Variants in DCAF5 observed in about 807,000 individuals in gnomAD.
DCAF5 encodes the protein DDB1- and CUL4-associated factor 5.
DCAF5 carries 9 observed loss-of-function variants against 80.7 expected under a neutral mutation model. That is an observed-to-expected ratio of 0.11 (90% CI 0.07 to 0.19). The LOEUF (loss-of-function observed/expected upper bound fraction) is 0.19, where lower values mean the gene tolerates loss of function less well. Among genes scored for constraint, DCAF5 ranks in the 10% least tolerant of loss-of-function variants. The pLI, the probability that DCAF5 is intolerant of heterozygous loss-of-function variation, is 1.00. For missense variants in DCAF5, 842 were observed against 1,205.7 expected (o/e 0.70, Z 4.47); for synonymous variants, 433 against 461.9 (o/e 0.94, Z 0.80).
In DCAF5 at chr14:69,054,214, G is replaced by C. The variant is rs776368849; in HGVS notation, c.2472C>G (p.Ser824Arg). 3.0e-5 allele frequency: 49 copies of C among 1,614,120 alleles called. 1 individual carries two copies. The South Asian group carries it at 5.2e-4, about 17-fold the overall frequency. The change falls in exon 9 of 9, where the codon AGC (serine) becomes AGG (arginine). Residue 824 changes from serine to arginine, a missense_variant. By Grantham distance (110) the Ser-to-Arg change is moderately radical. This residue lies in a region of DCAF5 where 607 missense variants were observed against 656.6 expected (regional missense o/e 0.92). Transcript: ENST00000341516. ...TGTGGTTGGCACAGATGGTTTCGAG[G>C]CTCCTCTCCTCACTGTCATCAGACT... is the stretch of plus-strand genomic sequence containing the variant. ...RTQSDDSEER[S>R]LETICANHNN...
At position 69,053,634 on chromosome 14, in the gene DCAF5, A is replaced by C; in HGVS notation, c.*223T>G. 1 of 478,732 alleles carries C rather than the reference A, an allele frequency of 2.1e-6. No individual in the cohort carries two copies. The highest frequency in any genetic ancestry group is 3.5e-6 in the Non-Finnish European group (1 of 285,150). 29.7% of individuals were successfully genotyped at this position (478,732 alleles called of 1,614,324 possible). A position where few individuals can be genotyped will look rare whatever the true frequency, so the allele number is the denominator to read the frequency against. On this transcript the variant is annotated 3_prime_UTR_variant, in exon 9 of 9. Transcript: ENST00000341516. ...TCACTAGAAAGGAGTCACTTGGGTT[A>C]TTTTTTTTTCCCCTTTCTTAACACA...
intron 1 of DCAF5, among the ~76,000 whole-genome samples, chr14:69,141,424 T>C (rs1247418178): frequency 6.6e-6 from 1 of 152,154 alleles, no homozygotes; most frequent in Admixed American, 6.5e-5. Context: ...TACATATGTA[T>C]ACATGTGCCA....
intron 1 of DCAF5, among the ~76,000 whole-genome samples, chr14:69,134,776 G>A (rs547991690): frequency 6.6e-6 from 1 of 152,256 alleles, no homozygotes; most frequent in African/African-American, 2.4e-5. Context: ...AATTGGTTAA[G>A]ACAAAATAAT....
In DCAF5 at chr14:69,055,245, A is replaced by T; in HGVS notation, c.1441T>A (p.Phe481Ile). 6.2e-7 allele frequency: 1 copy of T among 1,614,178 alleles called. No individual in the cohort carries two copies. The highest frequency in any genetic ancestry group is 8.5e-7 in the Non-Finnish European group (1 of 1,180,026). The change falls in exon 9 of 9, where the codon TTC becomes ATC. Residue 481 changes from phenylalanine (F) to isoleucine (I), a missense_variant. By Grantham distance (21) the Phe-to-Ile change is conservative. Coordinates refer to ENST00000341516, the MANE Select transcript of DCAF5 (RefSeq NM_003861.3). The surrounding 1 kb of genome is among the most constrained non-coding windows in gnomAD (Gnocchi z 5.6). ...GTGACCCGCAGGGGCCCCAGGTGGA[A>T]GGCGTTGTCGGCAGACTCATCTACT... ...PTVDESADNA[F>I]HLGPLRVTTT...
rs2139826481 is a variant in DCAF5, at chr14:69,055,716, G to A, written c.1075-105C>T. 8.6e-7 allele frequency: 1 copy of A among 1,167,086 alleles called. No homozygotes were observed. The highest frequency in any genetic ancestry group is 2.4e-5 in the East Asian group (1 of 41,908). 72.3% of individuals were successfully genotyped at this position (1,167,086 alleles called of 1,614,324 possible). A position where few individuals can be genotyped will look rare whatever the true frequency, so the allele number is the denominator to read the frequency against. ...GGCAGAACTTCCCCAGACTCTCCCT[G>A]TAATTTAACTAGGACTTGCTAACCA... On this transcript the variant is annotated intron_variant, in intron 8 of 8. Coordinates refer to ENST00000341516, the MANE Select transcript of DCAF5 (RefSeq NM_003861.3). This position sits in a 1 kb window ranked among gnomAD's most constrained non-coding sequence, Gnocchi z 5.6.
rs1147481 is a variant in DCAF5, at chr14:69,131,052, G to A, written c.215-8692C>T. On this transcript the variant is annotated intron_variant, in intron 1 of 8. Transcript: ENST00000341516. ...CAGCTCTCAAATTGTCCTTGTGTCC[G>A]TAAAGTATCATCCATGAACTTGTCC... is the stretch of plus-strand genomic sequence containing the variant. Among the ~76,000 whole-genome samples the A allele has an allele frequency of 6.4e-4, 98 of 152,086 alleles. 1 individual carries two copies. Among genetic ancestry groups the A allele is most frequent in the Admixed American group, 1.5e-3 (23 of 15,300 alleles).
intron 7 of DCAF5, among the ~76,000 whole-genome samples, chr14:69,071,878 G>A (rs557516516): frequency 6.6e-6 from 1 of 152,258 alleles, no homozygotes; most frequent in South Asian, 2.1e-4. Context: ...AAAAATGAGA[G>A]GTACCAAATA....
chr14:69,121,154 G>C (rs146821642), intron 2 of DCAF5, among the ~76,000 whole-genome samples: 196 of 152,346 alleles, frequency 1.3e-3, no homozygotes, highest in African/African-American at 4.4e-3. Flanking sequence ...GGTCAGGCCA[G>C]ACAGATAGAT....
intron 6 of DCAF5, among the ~76,000 whole-genome samples, chr14:69,079,918 T>C (rs569797283): frequency 6.6e-6 from 1 of 151,774 alleles, no homozygotes; most frequent in African/African-American, 2.4e-5. Context: ...ATATAGGGAG[T>C]GCTGGGGGTT....
intron 1 of DCAF5, among the ~76,000 whole-genome samples, chr14:69,140,687 T>C (rs2140112962): frequency 1.3e-5 from 2 of 152,254 alleles, no homozygotes; most frequent in Middle Eastern, 6.8e-3. Context: ...AGATGATGTA[T>C]ATAGAAAGGA....
intron 5 of DCAF5, among the ~76,000 whole-genome samples, chr14:69,115,122 G>C (rs190701556): frequency 7.5e-4 from 115 of 152,338 alleles, no homozygotes; most frequent in African/African-American, 2.7e-3. Flanking sequence ...GAACACTGCA[G>C]ATGAACACAG....
intron 5 of DCAF5, among the ~76,000 whole-genome samples, chr14:69,095,341 C>A (rs1469269578): frequency 6.6e-6 from 1 of 152,154 alleles, no homozygotes; most frequent in East Asian, 1.9e-4. Context: ...ATAAAAATAT[C>A]TTTATAAGAA....
chr14:69,086,225 G>A (rs1250568500), intron 6 of DCAF5, among the ~76,000 whole-genome samples: 2 of 152,128 alleles, frequency 1.3e-5, no homozygotes, highest in Non-Finnish European at 2.9e-5. Context: ...GGGCGTGGTG[G>A]CGCGTGCCTA....
Position 69,051,490 on chromosome 14 carries a change from G to C in DCAF5, c.*2367C>G, listed in dbSNP as rs1193661338. The C allele has an allele frequency of 1.3e-5, 2 of 152,172 alleles. No homozygotes were observed. Among genetic ancestry groups the C allele is most frequent in the East Asian group, 1.9e-4 (1 of 5,196 alleles). 9.4% of individuals were successfully genotyped at this position (152,172 alleles called of 1,614,324 possible). A position where few individuals can be genotyped will look rare whatever the true frequency, so the allele number is the denominator to read the frequency against. On this transcript the variant is annotated 3_prime_UTR_variant, in exon 9 of 9. Coordinates refer to ENST00000341516, the MANE Select transcript of DCAF5 (RefSeq NM_003861.3). ...GTGTGTCTTATGGGGCCTATCACCC[G>C]GTAAGCTGAGCCTAGGATGCTGGGA...
chr14:69,055,598 T>A lies in DCAF5; in HGVS notation c.1088A>T (p.Tyr363Phe), dbSNP rs932542478. 1.7e-5 allele frequency: 28 copies of A among 1,600,912 alleles called. No homozygotes were observed. Among genetic ancestry groups the A allele is most frequent in the African/African-American group, 2.7e-5 (2 of 74,680 alleles). The stretch of plus-strand genomic sequence containing the variant: ...GTCTCCAGTACATCCTGGCTGCTTG[T>A]ATGGGCTCCAGATCTGAACAGAAAA... ...VEKIIKIWSP[Y>F]KQPGCTGDLD... The change falls in exon 9 of 9, where the codon TAC becomes TTC. Residue 363 changes from tyrosine to phenylalanine, a missense_variant. Transcript: ENST00000341516. This position sits in a 1 kb window ranked among gnomAD's most constrained non-coding sequence, Gnocchi z 5.6.
At chr14:69,085,280 G>A (rs2039274109) in intron 6 of DCAF5, 11 of 717,208 alleles carry the variant, frequency 1.5e-5, no homozygotes, top group Admixed American at 7.3e-5. Context: ...CAGAAAAAGC[G>A]AGTAGGCAGT....
In DCAF5 at chr14:69,152,823, G is replaced by A. The variant is rs776143702; in HGVS notation, c.156C>T (p.His52=). The A allele has an allele frequency of 2.5e-6, 4 of 1,614,136 alleles. No homozygotes were observed. The highest frequency in any genetic ancestry group is 3.4e-6 in the Non-Finnish European group (4 of 1,180,010). Residue 52 remains histidine, a synonymous_variant, in exon 1 of 9, where the codon CAC becomes CAT. Coordinates refer to ENST00000341516, the MANE Select transcript of DCAF5 (RefSeq NM_003861.3). The surrounding 1 kb of genome is among the most constrained non-coding windows in gnomAD (Gnocchi z 4.1). The part of the protein sequence containing the change: ...RNLYKKDLLG[H]FGCVNAIEFS... ...ATTCAATGGCATTGACACAGCCGAA[G>A]TGGCCGAGGAGGTCCTTCTTGTAGA...
intron 1 of DCAF5, among the ~76,000 whole-genome samples, chr14:69,144,338 C>T (rs1422907700): frequency 6.6e-6 from 1 of 151,760 alleles, no homozygotes; most frequent in Non-Finnish European, 1.5e-5. Context: ...TTTGGGAGGC[C>T]GAGGTGGGCG....
intron 6 of DCAF5, among the ~76,000 whole-genome samples, chr14:69,085,992 T>C (rs551820348): frequency 6.6e-6 from 1 of 152,326 alleles, no homozygotes; most frequent in East Asian, 1.9e-4. Context: ...CGTTTCACAC[T>C]ACTGTCGGCC....
Sources: gnomAD v4.1 joint callset for allele counts (sites outside exome capture counted in the v4.1 genomes callset) on GRCh38, gnomAD v4.1.1 for gene constraint, gnomAD v4.1.1 regional missense constraint, Gnocchi (gnomAD v3.1) non-coding constraint, MANE v1.5 for transcripts, NCBI Gene and HGNC (gene_info 2026-07-23, HGNC 2026-07-21) for gene names.